Variants in CNTRL observed in about 807,000 individuals in gnomAD.
The protein encoded by CNTRL is centriolin.
In CNTRL, 233 loss-of-function variants were observed where a neutral mutation model predicts 303.7. That is an observed-to-expected ratio of 0.77 (90% confidence interval 0.69 to 0.86). The LOEUF is 0.86. Among genes scored for constraint, CNTRL ranks in the 40% least tolerant of loss-of-function variants. CNTRL has a pLI of 0.00. For missense variants in CNTRL, 2,524 were observed against 2,650.6 expected (o/e 0.95, Z 1.05); for synonymous variants, 900 against 922.2 (o/e 0.98, Z 0.44).
intron 27 of CNTRL, among the ~76,000 whole-genome samples, chr9:121,155,479 T>C (rs1014079335): frequency 1.3e-5 from 2 of 152,146 alleles, no homozygotes; most frequent in African/African-American, 4.8e-5. Flanking sequence ...CCTCCCGGGT[T>C]CAAGCGATTC....
Position 121,092,457 on chromosome 9 carries a change from ATATATATATAATATATATC to A in CNTRL, c.348+2119_348+2137del, listed in dbSNP as rs1564194221. Reference sequence around the variant, plus strand: ...ATAGATAGATAGATAATATATATCTATATATATATAATATATATCTATATATATAATATATATCTATATA... The same window carrying A: ...ATAGATAGATAGATAATATATATCTATATATATATAATATATATCTATATA... On this transcript the variant is annotated intron_variant, in intron 4 of 43. Transcript: ENST00000373855. Among the ~76,000 whole-genome samples the A allele has an allele frequency of 4.7e-4, 52 of 111,750 alleles. 11 individuals carry two copies. Among genetic ancestry groups the A allele is most frequent in the Non-Finnish European group, 5.6e-4 (31 of 55,810 alleles). 73.3% of individuals were successfully genotyped at this position (111,750 alleles called of 152,430 possible). A position where few individuals can be genotyped will look rare whatever the true frequency, so the allele number is the denominator to read the frequency against.
intron 32 of CNTRL, among the ~76,000 whole-genome samples, chr9:121,161,115 T>A (rs1183227428): frequency 1.4e-5 from 2 of 141,064 alleles, no homozygotes; most frequent in Admixed American, 1.5e-4. Context: ...AGTCCCAGTT[T>A]ATTTTAAAAT....
At chr9:121,175,468 T>A (rs1446630212) in intron 43 of CNTRL, among the ~76,000 whole-genome samples, 2 of 152,138 alleles carry the variant, frequency 1.3e-5, no homozygotes, top group Non-Finnish European at 2.9e-5. Context: ...GAGGTCTTGC[T>A]GGGTTGCCAG....
At chr9:121,110,869 A>G (rs2049716452) in intron 8 of CNTRL, among the ~76,000 whole-genome samples, 1 of 152,000 alleles carries the variant, frequency 6.6e-6, no homozygotes, top group Non-Finnish European at 1.5e-5. Flanking sequence ...GCTTTTATTC[A>G]TGCATTTCTT....
intron 14 of CNTRL, among the ~76,000 whole-genome samples, chr9:121,131,322 G>A (rs551756698): frequency 6.6e-6 from 1 of 152,130 alleles, no homozygotes; most frequent in Non-Finnish European, 1.5e-5. Flanking sequence ...CTCCTGTATT[G>A]GGTGCATATA....
intron 21 of CNTRL, 26 bp from the exon 22 acceptor site, chr9:121,145,218 T>A: frequency 6.3e-7 from 1 of 1,595,274 alleles, no homozygotes; most frequent in East Asian, 2.2e-5. Context: ...CATTGGCAAC[T>A]TTGTATGTGT....
chr9:121,121,740 C>T (rs2050236954), intron 12 of CNTRL: 2 of 981,082 alleles, frequency 2.0e-6, no homozygotes, highest in Admixed American at 6.2e-5. Flanking sequence ...GCAGAGGCTG[C>T]TGGTGATTGG....
intron 14 of CNTRL, among the ~76,000 whole-genome samples, chr9:121,126,800 C>T (rs2050551965): frequency 6.7e-6 from 1 of 149,990 alleles, no homozygotes; most frequent in African/African-American, 2.4e-5. Context: ...TTTCTTCCTT[C>T]ATGTTTATGT....
rs540310942 is a variant in CNTRL at position 121,175,613 on chromosome 9, T to C, written c.6954+389T>C. ...AGGATTTAATATATTACATAGAAAG[T>C]ACTTAAAAGCCGTGGGGTGTATAAT... On this transcript the variant is annotated intron_variant, in intron 43 of 43. Transcript: ENST00000373855. Among the ~76,000 whole-genome samples the C allele has an allele frequency of 5.9e-5, 9 of 152,302 alleles. No individual in the cohort carries two copies. The East Asian group carries it at 1.3e-3, about 23-fold the overall frequency.
intron 19 of CNTRL, among the ~76,000 whole-genome samples, 183 bp from the exon 20 acceptor site, chr9:121,143,720 A>C (rs1346657482): frequency 6.6e-6 from 1 of 152,246 alleles, no homozygotes; most frequent in African/African-American, 2.4e-5. Flanking sequence ...AAGAAGACCT[A>C]GTACAAGTTT....
At chr9:121,080,856 A>G (rs1414567159) in intron 2 of CNTRL, among the ~76,000 whole-genome samples, 2 of 152,366 alleles carry the variant, frequency 1.3e-5, no homozygotes, top group South Asian at 2.1e-4. Context: ...TAACAAAGAC[A>G]GGTTGACTAG....
At chr9:121,156,248 G>A (rs1232873111) in intron 27 of CNTRL, among the ~76,000 whole-genome samples, 1 of 152,112 alleles carries the variant, frequency 6.6e-6, no homozygotes, top group Non-Finnish European at 1.5e-5. Flanking sequence ...ATTGATGGCA[G>A]TGGTAGTAGG....
chr9:121,114,867 A>T (rs917320884), intron 10 of CNTRL, among the ~76,000 whole-genome samples: 8 of 152,236 alleles, frequency 5.3e-5, no homozygotes, highest in Non-Finnish European at 1.0e-4. Context: ...AAATAAAAGG[A>T]TCAATTATAG....
At chr9:121,128,793 T>G (rs1182446595) in intron 14 of CNTRL, among the ~76,000 whole-genome samples, 43 of 152,358 alleles carry the variant, frequency 2.8e-4, no homozygotes, top group African/African-American at 1.0e-3. Flanking sequence ...TGTAAGTCTT[T>G]AATCTATCTT....
At position 121,135,906 on chromosome 9, in the gene CNTRL, A is replaced by G; in HGVS notation, c.2126A>G (p.Glu709Gly). ...GDLSAYEAELEARLNLRDAEA... is the reference protein window; with the variant it reads ...GDLSAYEAELGARLNLRDAEA... ...CTCAGTGCCTATGAAGCTGAGCTAGAGGCTCGGCTAAACCTAAGGGATGCT... is the reference window on the plus strand; with the variant it reads ...CTCAGTGCCTATGAAGCTGAGCTAGGGGCTCGGCTAAACCTAAGGGATGCT... Residue 709 changes from glutamate (E) to glycine (G), a missense_variant, in exon 15 of 44, where the codon GAG becomes GGG. Transcript: ENST00000373855. 6.2e-7 allele frequency: 1 copy of G among 1,614,018 alleles called. No individual in the cohort carries two copies.
At chr9:121,089,254 A>T (rs765926134) in intron 3 of CNTRL, among the ~76,000 whole-genome samples, 21 of 152,230 alleles carry the variant, frequency 1.4e-4, no homozygotes, top group African/African-American at 4.8e-4. Context: ...TAGAATATTA[A>T]TCAATTTTCT....
chr9:121,177,394 G>A lies in CNTRL; in HGVS notation c.*208G>A, dbSNP rs1564314720. ...TACATATGGGAATAGTTGCATATGGGAATTTAAACCAACATGTGGCTGAGC... is the reference window on the plus strand; with the variant it reads ...TACATATGGGAATAGTTGCATATGGAAATTTAAACCAACATGTGGCTGAGC... On this transcript the variant is annotated 3_prime_UTR_variant, in exon 44 of 44. Coordinates refer to ENST00000373855, the MANE Select transcript of CNTRL (RefSeq NM_007018.6). 3 of 421,666 alleles carry A rather than the reference G, an allele frequency of 7.1e-6. No individual in the cohort carries two copies. Among genetic ancestry groups the A allele is most frequent in the Admixed American group, 4.4e-5 (1 of 22,592 alleles). The allele number at this position is 421,666 out of a possible 1,614,324, so 26.1% of individuals were successfully genotyped here.
Position 121,142,256 on chromosome 9 carries a change from G to A in CNTRL, c.2857G>A (p.Glu953Lys). 1 of 1,599,748 alleles carries A rather than the reference G, an allele frequency of 6.3e-7. No individual in the cohort carries two copies. Among genetic ancestry groups the A allele is most frequent in the Non-Finnish European group, 8.5e-7 (1 of 1,176,178 alleles). The stretch of plus-strand genomic sequence containing the variant: ...GGAGAGAATTCTGGCCCAACTCCGA[G>A]AGTTAGAGAAAAAGGTAGGGGAGAC... ...EKERILAQLRELEKKKKLEDA... is the reference protein window; with the variant it reads ...EKERILAQLRKLEKKKKLEDA... Residue 953 changes from glutamate (E) to lysine (K), a missense_variant, in exon 19 of 44, where the codon GAG (glutamate) becomes AAG (lysine). Physicochemically the swap from Glu to Lys is moderately conservative, Grantham distance 56. Transcript: ENST00000373855.
intron 37 of CNTRL, 58 bp downstream of exon 37, chr9:121,167,735 T>C: frequency 4.1e-6 from 6 of 1,459,680 alleles, no homozygotes; most frequent in African/African-American, 1.4e-5. Context: ...TGTGAGCCTA[T>C]TTTTCCCCTG....
Sources: allele counts gnomAD v4.1 joint callset (sites outside exome capture counted in the v4.1 genomes callset), GRCh38; gene constraint gnomAD v4.1.1; transcripts MANE v1.5; gene names NCBI Gene and HGNC (gene_info 2026-07-23, HGNC 2026-07-21).